The following ANO6 variants were observed in gnomAD, a reference collection of about 807,000 sequenced individuals.
ANO6 encodes anoctamin 6, also known as anoctamin-6.
ANO6 carries 106 observed loss-of-function variants against 117.5 expected under a neutral mutation model. That is an observed-to-expected ratio of 0.90 (90% CI 0.77 to 1.06). The LOEUF is 1.06. Ranked by LOEUF, ANO6 falls within the 50% of genes least tolerant of loss-of-function variation. The pLI, the probability that ANO6 is intolerant of heterozygous loss-of-function variation, is 0.00. For synonymous variants in ANO6, 367 were observed against 385.1 expected (o/e 0.95, Z 0.55); for missense variants, 955 against 1,121.1 (o/e 0.85, Z 2.12).
intron 14 of ANO6, 51 bp from the exon 15 acceptor site, chr12:45,403,388 C>A: frequency 6.5e-7 from 1 of 1,545,440 alleles, no homozygotes; most frequent in Non-Finnish European, 8.9e-7. Context: ...GCCTATATTT[C>A]AAGTTAGATC....
chr12:45,391,687 C>T (rs762016060), intron 12 of ANO6, among the ~76,000 whole-genome samples: 9 of 152,156 alleles, frequency 5.9e-5, no homozygotes, highest in East Asian at 1.9e-4. Flanking sequence ...GCCAACATGG[C>T]GAAACCCTGT....
At chr12:45,302,907 T>C (rs993086150) in intron 2 of ANO6, among the ~76,000 whole-genome samples, 2 of 152,162 alleles carry the variant, frequency 1.3e-5, no homozygotes, top group African/African-American at 4.8e-5. Context: ...ACTTTAGGAG[T>C]GCAGAAATGT....
intron 10 of ANO6, among the ~76,000 whole-genome samples, chr12:45,381,937 A>G (rs1565736361): frequency 6.6e-6 from 1 of 152,140 alleles, no homozygotes; most frequent in East Asian, 1.9e-4. Flanking sequence ...GATACTAGAT[A>G]GGTACTGAGT....
intron 18 of ANO6, 128 bp from the exon 19 acceptor site, chr12:45,422,829 C>A: frequency 2.7e-6 from 2 of 753,930 alleles, no homozygotes; most frequent in Non-Finnish European, 4.8e-6. Flanking sequence ...ATGCCTCAGC[C>A]TCCCAAAGTG....
chr12:45,286,891 G>A (rs568096073), intron 1 of ANO6, among the ~76,000 whole-genome samples: 14 of 152,144 alleles, frequency 9.2e-5, no homozygotes, highest in African/African-American at 2.7e-4. Flanking sequence ...CTAAGCTCCC[G>A]TGGTTAGGAA....
intron 1 of ANO6, among the ~76,000 whole-genome samples, chr12:45,221,586 A>C (rs533424998): frequency 6.6e-6 from 1 of 152,256 alleles, no homozygotes; most frequent in African/African-American, 2.4e-5. Context: ...TTGCTTTTGG[A>C]AAGATCTCCA....
At chr12:45,437,616 C>A (rs1483675157) in intron 19 of ANO6, among the ~76,000 whole-genome samples, 1 of 152,126 alleles carries the variant, frequency 6.6e-6, no homozygotes, top group African/African-American at 2.4e-5. Flanking sequence ...GTCGCCCAGG[C>A]TGGAGAGCAG....
Position 45,216,170 on chromosome 12 carries a change from C to A in ANO6, c.-152C>A. The A allele has an allele frequency of 2.3e-6, 2 of 879,810 alleles. No homozygotes were observed. The highest frequency in any genetic ancestry group is 3.5e-6 in the Non-Finnish European group (2 of 568,916). 54.5% of individuals were successfully genotyped at this position (879,810 alleles called of 1,614,324 possible). On this transcript the variant is annotated 5_prime_UTR_variant, in exon 1 of 20. Transcript: ENST00000320560. Reference sequence around the variant, plus strand: ...CCGGTCGGTGGGTGCCTCGGCTCGGCTTTCCCCGGCGCTGGCTGGGCTCAG... The same window carrying A: ...CCGGTCGGTGGGTGCCTCGGCTCGGATTTCCCCGGCGCTGGCTGGGCTCAG...
chr12:45,249,798 T>C (rs1176909920), intron 1 of ANO6, among the ~76,000 whole-genome samples: 1 of 152,268 alleles, frequency 6.6e-6, no homozygotes, highest in Non-Finnish European at 1.5e-5. Flanking sequence ...GCGCTAGCCC[T>C]GTGTATGCCA....
intron 2 of ANO6, among the ~76,000 whole-genome samples, chr12:45,314,939 T>C (rs12314708): frequency 0.052 from 7,945 of 152,008 alleles, 696 homozygotes; most frequent in African/African-American, 0.18. Flanking sequence ...AACATATCAG[T>C]GAAGGTGGAA....
chr12:45,427,941 A>AC (rs1228746066), intron 19 of ANO6, among the ~76,000 whole-genome samples: 2 of 148,920 alleles, frequency 1.3e-5, no homozygotes, highest in Admixed American at 1.3e-4. Context: ...TGCCTCAAAA[A>AC]AAAAAAAAAA....
At position 45,429,882 on chromosome 12, in the gene ANO6, A is replaced by G; in HGVS notation, c.*571A>G. On this transcript the variant is annotated 3_prime_UTR_variant, in exon 20 of 20. Coordinates refer to ENST00000320560, the MANE Select transcript of ANO6 (RefSeq NM_001025356.3). ...TCAGTTAATCAGAGGAAATAGTTTC[A>G]GTCTTCATTTGAGCATGTCTTTCCA... The G allele has an allele frequency of 1.0e-6, 1 of 989,902 alleles. No homozygotes were observed. Among genetic ancestry groups the G allele is most frequent in the East Asian group, 1.1e-4 (1 of 8,910 alleles). The allele number at this position is 989,902 out of a possible 1,614,324, so 61.3% of individuals were successfully genotyped here. A position where few individuals can be genotyped will look rare whatever the true frequency, so the allele number is the denominator to read the frequency against.
At chr12:45,216,883 CG>C (rs1947323171) in intron 1 of ANO6, among the ~76,000 whole-genome samples, 1 of 152,130 alleles carries the variant, frequency 6.6e-6, no homozygotes. Context: ...TGAGGCCTGG[CG>C]GGGCGGCCCC....
chr12:45,393,175 A>G (rs1374418835), intron 12 of ANO6, among the ~76,000 whole-genome samples: 2 of 152,244 alleles, frequency 1.3e-5, no homozygotes, highest in East Asian at 3.9e-4. Flanking sequence ...GCTGAAAACC[A>G]TGGCACGGGA....
At chr12:45,377,943 T>A (rs1216394857) in intron 9 of ANO6, 110 bp from the exon 10 acceptor site, 1 of 999,950 alleles carries the variant, frequency 1.0e-6, no homozygotes, top group Non-Finnish European at 1.6e-6. Flanking sequence ...AAACTAGGCA[T>A]CACCTTTGAA....
At chr12:45,263,441 G>A (rs942645695) in intron 1 of ANO6, among the ~76,000 whole-genome samples, 5 of 147,466 alleles carry the variant, frequency 3.4e-5, no homozygotes, top group Non-Finnish European at 5.9e-5. Flanking sequence ...TAAACTCCTG[G>A]CCTCAAGCAT....
At chr12:45,228,507 A>G (rs1947523794) in intron 1 of ANO6, among the ~76,000 whole-genome samples, 1 of 152,044 alleles carries the variant, frequency 6.6e-6, no homozygotes, top group Non-Finnish European at 1.5e-5. Context: ...AAAAGTGCGG[A>G]AGGAAACATT....
chr12:45,312,959 T>C (rs1939894587), intron 2 of ANO6, among the ~76,000 whole-genome samples: 1 of 152,098 alleles, frequency 6.6e-6, no homozygotes, highest in Non-Finnish European at 1.5e-5. Context: ...GGAAAAATTG[T>C]AGATTTTTTC....
At chr12:45,347,177 T>A in intron 4 of ANO6, 90 bp downstream of exon 4, 4 of 1,242,944 alleles carry the variant, frequency 3.2e-6, no homozygotes, top group Non-Finnish European at 4.7e-6. Flanking sequence ...ATTGGAAACA[T>A]GCAGCCCTGG....
Sources: gnomAD v4.1 joint callset for allele counts (sites outside exome capture counted in the v4.1 genomes callset) on GRCh38, gnomAD v4.1.1 for gene constraint, MANE v1.5 for transcripts, NCBI Gene and HGNC (gene_info 2026-07-23, HGNC 2026-07-21) for gene names.